BTBD9: variants seen among roughly 807,000 people sequenced by gnomAD.
BTBD9 encodes BTB/POZ domain-containing protein 9.
Under a neutral mutation model 64.3 loss-of-function variants are expected in BTBD9, and 49 were observed. The observed-to-expected ratio is 0.76, with a 90% CI of 0.61 to 0.97. BTBD9 has a LOEUF of 0.97. Among genes scored for constraint, BTBD9 ranks in the 50% least tolerant of loss-of-function variants. BTBD9 has a pLI of 0.00. For missense variants in BTBD9, 598 were observed against 762.1 expected, an observed-to-expected ratio of 0.78 and a Z score of 2.53; for synonymous variants, 260 against 274.7, an observed-to-expected ratio of 0.95 and a Z score of 0.53.
chr6:38,290,515 G>T (rs935839257), intron 7 of BTBD9, among the ~76,000 whole-genome samples: 1 of 152,022 alleles, frequency 6.6e-6, no homozygotes, highest in Non-Finnish European at 1.5e-5. Context: ...CTCTCTCAGT[G>T]GCTTAACATA....
chr6:38,607,863 C>T (rs562153463), intron 1 of BTBD9, among the ~76,000 whole-genome samples: 1 of 151,484 alleles, frequency 6.6e-6, no homozygotes, highest in African/African-American at 2.4e-5. Flanking sequence ...CTTATTAAAA[C>T]AACCTTTCCC....
chr6:38,384,244 A>G (rs1172917100), intron 6 of BTBD9, among the ~76,000 whole-genome samples: 1 of 152,182 alleles, frequency 6.6e-6, no homozygotes, highest in East Asian at 1.9e-4. Context: ...CTATATAAAT[A>G]TAAAACACAC....
chr6:38,418,311 G>T (rs549590173), intron 6 of BTBD9, among the ~76,000 whole-genome samples: 8 of 152,314 alleles, frequency 5.3e-5, no homozygotes, highest in African/African-American at 1.7e-4. Flanking sequence ...TGGCCTAATT[G>T]TATGTAAGGC....
intron 5 of BTBD9, 91 bp from the exon 6 acceptor site, chr6:38,577,810 A>AATACAG (rs1168326247): frequency 8.7e-7 from 1 of 1,151,292 alleles, no homozygotes; most frequent in Non-Finnish European, 1.2e-6. Context: ...AGGTACAAAA[A>AATACAG]ATACAGAATT....
intron 10 of BTBD9, among the ~76,000 whole-genome samples, chr6:38,190,050 G>A (rs539904681): frequency 2.9e-4 from 44 of 150,830 alleles, no homozygotes; most frequent in Non-Finnish European, 4.9e-4. Context: ...GGGCTCAAGC[G>A]AACCTGTGGC....
chr6:38,554,124 A>T (rs761389939), intron 6 of BTBD9, among the ~76,000 whole-genome samples: 14 of 152,188 alleles, frequency 9.2e-5, no homozygotes, highest in Admixed American at 6.5e-5. Flanking sequence ...ACATAAATTA[A>T]GATTTATGGC....
chr6:38,478,231 C>T (rs184158325), intron 6 of BTBD9, among the ~76,000 whole-genome samples: 1 of 152,226 alleles, frequency 6.6e-6, no homozygotes, highest in East Asian at 1.9e-4. Flanking sequence ...GAAACATGTG[C>T]AAAGGAAGGT....
chr6:38,336,173 C>T (rs1763884479), intron 7 of BTBD9, among the ~76,000 whole-genome samples: 1 of 152,200 alleles, frequency 6.6e-6, no homozygotes, highest in African/African-American at 2.4e-5. Flanking sequence ...ATTCCTCCAT[C>T]AGGTGCAAGG....
At chr6:38,299,426 C>T (rs1055877771) in intron 7 of BTBD9, among the ~76,000 whole-genome samples, 20 of 152,184 alleles carry the variant, frequency 1.3e-4, no homozygotes, top group East Asian at 3.8e-4. Context: ...CCTGAGGAAT[C>T]GCCACACTGA....
chr6:38,219,763 C>T lies in BTBD9; in HGVS notation c.1563-27166G>A, dbSNP rs182282193. Reference sequence around the variant, plus strand: ...TTTTGCCATATAAGCCACCAATAAACATTTGTTATACTTTTCTGCAACATG... The same window carrying T: ...TTTTGCCATATAAGCCACCAATAAATATTTGTTATACTTTTCTGCAACATG... On this transcript the variant is annotated intron_variant, in intron 9 of 10. Transcript: ENST00000481247. Among the ~76,000 whole-genome samples the T allele has an allele frequency of 2.1e-4, 32 of 152,218 alleles. No homozygotes were observed. In the East Asian group the frequency reaches 6.0e-3, roughly 28 times the overall value.
intron 9 of BTBD9, among the ~76,000 whole-genome samples, chr6:38,193,513 C>G (rs959539545): frequency 9.9e-5 from 15 of 152,214 alleles, no homozygotes; most frequent in Non-Finnish European, 1.8e-4. Context: ...CCTCATTGAT[C>G]AGCATGGGCC....
intron 6 of BTBD9, among the ~76,000 whole-genome samples, chr6:38,366,677 C>G (rs1238492194): frequency 1.3e-5 from 2 of 152,110 alleles, no homozygotes; most frequent in African/African-American, 2.4e-5. Flanking sequence ...ATCAAGCACA[C>G]AACTGTGATT....
At chr6:38,587,649 A>C (rs1017070843) in intron 4 of BTBD9, 6 of 604,348 alleles carry the variant, frequency 9.9e-6, no homozygotes, top group Non-Finnish European at 1.6e-5. Flanking sequence ...ATCTCTGTCG[A>C]GAACTGACAG....
At chr6:38,619,845 C>T (rs549845040) in intron 1 of BTBD9, among the ~76,000 whole-genome samples, 1 of 152,338 alleles carries the variant, frequency 6.6e-6, no homozygotes, top group Non-Finnish European at 1.5e-5. Flanking sequence ...GCTCTTTTCA[C>T]ATGCCTTTCT....
Position 38,184,880 on chromosome 6 carries a change from G to A in BTBD9, c.1641+7639C>T, listed in dbSNP as rs909887774. On this transcript the variant is annotated intron_variant, in intron 10 of 10. Coordinates refer to ENST00000481247, the MANE Select transcript of BTBD9 (RefSeq NM_001099272.2). This position sits in a 1 kb window ranked among gnomAD's most constrained non-coding sequence, Gnocchi z 4.4. ...CCCAGAGCCACTCACTGGTCTGACC[G>A]AAGCCAGTAAATAAATTCTGCCTCA... Among the ~76,000 whole-genome samples the A allele has an allele frequency of 1.4e-4, 21 of 152,142 alleles. No homozygotes were observed. The highest frequency in any genetic ancestry group is 1.9e-4 in the African/African-American group (8 of 41,420).
At chr6:38,461,956 C>A (rs139460282) in intron 6 of BTBD9, among the ~76,000 whole-genome samples, 147 of 152,272 alleles carry the variant, frequency 9.7e-4, no homozygotes, top group African/African-American at 3.2e-3. Context: ...TGTTTATTTG[C>A]CACTCATATA....
At chr6:38,200,497 A>C (rs990353516) in intron 9 of BTBD9, among the ~76,000 whole-genome samples, 1 of 152,232 alleles carries the variant, frequency 6.6e-6, no homozygotes, top group Non-Finnish European at 1.5e-5. Context: ...CTTAGAAAAG[A>C]TAAACAAAAT....
intron 7 of BTBD9, among the ~76,000 whole-genome samples, chr6:38,311,198 ATT>A (rs113937215): frequency 8.5e-5 from 12 of 141,332 alleles, no homozygotes; most frequent in Admixed American, 7.1e-5. Flanking sequence ...TATTCATCCT[ATT>A]TTTTTTTTTT....
At chr6:38,353,170 A>G (rs1764589749) in intron 6 of BTBD9, among the ~76,000 whole-genome samples, 1 of 152,222 alleles carries the variant, frequency 6.6e-6, no homozygotes, top group Non-Finnish European at 1.5e-5. Context: ...AGGTGTAAAC[A>G]TAGTACACCT....
Sources: gnomAD v4.1 joint callset for allele counts (sites outside exome capture counted in the v4.1 genomes callset) on GRCh38, gnomAD v4.1.1 for gene constraint, Gnocchi (gnomAD v3.1) non-coding constraint, MANE v1.5 for transcripts, NCBI Gene and HGNC (gene_info 2026-07-23, HGNC 2026-07-21) for gene names.